Variants in PIEZO2 observed in about 807,000 individuals in gnomAD.
The protein encoded by PIEZO2 is piezo type mechanosensitive ion channel component 2.
Under a neutral mutation model 337.3 loss-of-function variants are expected in PIEZO2, and 172 were observed. The observed-to-expected ratio is 0.51, with a 90% CI of 0.45 to 0.58. The LOEUF (loss-of-function observed/expected upper bound fraction) is 0.58, where lower values mean the gene tolerates loss of function less well. Among genes scored for constraint, PIEZO2 ranks in the 20% least tolerant of loss-of-function variants. The pLI, the probability that PIEZO2 is intolerant of heterozygous loss-of-function variation, is 0.00. For synonymous variants in PIEZO2, 1,251 were observed against 1,228.5 expected, an observed-to-expected ratio of 1.02 and a Z score of -0.38; for missense variants, 3,028 against 3,391.3, an observed-to-expected ratio of 0.89 and a Z score of 2.66.
At chr18:11,084,328 C>T (rs1416717130) in intron 1 of PIEZO2, among the ~76,000 whole-genome samples, 3 of 152,150 alleles carry the variant, frequency 2.0e-5, no homozygotes, top group East Asian at 1.9e-4. Context: ...CCAGGTGCCA[C>T]GGACAGTAAC....
In PIEZO2 at chr18:10,794,377, A is replaced by C. The variant is rs559262140; in HGVS notation, c.1758+395T>G. Among the ~76,000 whole-genome samples, 7 of 152,342 alleles carry C rather than the reference A, an allele frequency of 4.6e-5. No homozygotes were observed. The East Asian group carries it at 1.4e-3, about 29-fold the overall frequency. ...AAAACGTCATGAATAATCAATACTTATCTGTGACACTAATGCACTAAGCAT... is the reference window on the plus strand; with the variant it reads ...AAAACGTCATGAATAATCAATACTTCTCTGTGACACTAATGCACTAAGCAT... On this transcript the variant is annotated intron_variant, in intron 13 of 55. Transcript: ENST00000674853. The surrounding 1 kb of genome is among the most constrained non-coding windows in gnomAD (Gnocchi z 6.6).
rs375312697 is a variant in PIEZO2 at position 10,993,379 on chromosome 18, G to A, written c.161-13719C>T. 3.9e-5 allele frequency among the ~76,000 whole-genome samples: 6 copies of A among 152,248 alleles called. No homozygotes were observed. The East Asian group carries it at 1.2e-3, about 29-fold the overall frequency. The stretch of plus-strand genomic sequence containing the variant: ...AACAGCTCTTATTATTTTGAGATGC[G>A]TTCTATTGATACCTAGTTTATTGAG... On this transcript the variant is annotated intron_variant, in intron 2 of 55. Coordinates refer to ENST00000674853, the MANE Select transcript of PIEZO2 (RefSeq NM_001378183.1). The surrounding 1 kb of genome is among the most constrained non-coding windows in gnomAD (Gnocchi z 5.0).
chr18:11,020,652 C>A (rs2036277328), intron 2 of PIEZO2, among the ~76,000 whole-genome samples: 1 of 152,140 alleles, frequency 6.6e-6, no homozygotes, highest in Admixed American at 6.5e-5. Context: ...ATGCCACTAG[C>A]CTTTTGCCAA....
At position 11,045,609 on chromosome 18, in the gene PIEZO2, G is replaced by C. The variant is rs539009816; in HGVS notation, c.160+20518C>G. On this transcript the variant is annotated intron_variant, in intron 2 of 55. Coordinates refer to ENST00000674853, the MANE Select transcript of PIEZO2 (RefSeq NM_001378183.1). ...AAGGAAGAGAGCAGAGTGTCACTTT[G>C]TGCCAGCTCAGCTGGGAACATGGGC... Among the ~76,000 whole-genome samples, 75 of 152,300 alleles carry C rather than the reference G, an allele frequency of 4.9e-4. 1 individual carries two copies. The South Asian group carries it at 0.015, about 31-fold the overall frequency.
intron 37 of PIEZO2, among the ~76,000 whole-genome samples, chr18:10,717,042 GCA>G (rs1567979489): frequency 6.6e-6 from 1 of 152,154 alleles, no homozygotes; most frequent in African/African-American, 2.4e-5. Context: ...GTGGTTAAGA[GCA>G]CACACTCTGG....
chr18:10,900,451 G>A (rs2043016969), intron 4 of PIEZO2, among the ~76,000 whole-genome samples: 1 of 152,142 alleles, frequency 6.6e-6, no homozygotes, highest in Admixed American at 6.5e-5. Context: ...TAGCAAGACT[G>A]GAAGAGACCT....
At chr18:10,866,565 G>A (rs575357553) in intron 5 of PIEZO2, among the ~76,000 whole-genome samples, 2 of 152,272 alleles carry the variant, frequency 1.3e-5, no homozygotes, top group South Asian at 2.1e-4. Context: ...GATTTTAGGT[G>A]TGGGCCACCA....
chr18:10,729,363 C>T (rs567440839), intron 36 of PIEZO2, among the ~76,000 whole-genome samples: 6 of 152,200 alleles, frequency 3.9e-5, no homozygotes, highest in African/African-American at 7.2e-5. Context: ...CAGTGGCTCA[C>T]GCCTGTAATC....
At chr18:10,736,797 C>T (rs2037014724) in intron 33 of PIEZO2, 87 bp from the exon 34 acceptor site, 2 of 1,387,428 alleles carry the variant, frequency 1.4e-6, no homozygotes, top group East Asian at 2.5e-5. Flanking sequence ...TAAAGATACA[C>T]AAATTGTCCA....
intron 39 of PIEZO2, among the ~76,000 whole-genome samples, chr18:10,710,616 C>T (rs77317812): frequency 0.015 from 2,266 of 152,346 alleles, 57 homozygotes; most frequent in African/African-American, 0.052. Flanking sequence ...GTTAGGATCC[C>T]ACCCAGACTC....
In PIEZO2 at chr18:10,938,920, G is replaced by C. The variant is rs139401782; in HGVS notation, c.287-27692C>G. 1.8e-4 allele frequency among the ~76,000 whole-genome samples: 27 copies of C among 151,994 alleles called. No individual in the cohort carries two copies. In the East Asian group the frequency reaches 5.0e-3, roughly 28 times the overall value. The stretch of plus-strand genomic sequence containing the variant: ...GCTAACACAGTGAAACCTTGTCTCT[G>C]CTAAAAATACAAAAAAATTAGCCAG... On this transcript the variant is annotated intron_variant, in intron 3 of 55. Coordinates refer to ENST00000674853, the MANE Select transcript of PIEZO2 (RefSeq NM_001378183.1).
At chr18:11,119,350 G>A (rs936098381) in intron 1 of PIEZO2, among the ~76,000 whole-genome samples, 22 of 152,134 alleles carry the variant, frequency 1.4e-4, no homozygotes, top group African/African-American at 5.3e-4. Flanking sequence ...ATGTTGGCCA[G>A]GATGGTCTTG....
chr18:11,077,139 C>G lies in PIEZO2; in HGVS notation c.65-10917G>C, dbSNP rs947131213. Among the ~76,000 whole-genome samples the G allele has an allele frequency of 2.4e-4, 37 of 152,220 alleles. No individual in the cohort carries two copies. The highest frequency in any genetic ancestry group is 1.2e-3 in the Admixed American group (19 of 15,284). The stretch of plus-strand genomic sequence containing the variant: ...CATTATGAATATAAAGAGCCCTTCA[C>G]TGAAATCCACAGTTCCTAAGCCTAC... On this transcript the variant is annotated intron_variant, in intron 1 of 55. Coordinates refer to ENST00000674853, the MANE Select transcript of PIEZO2 (RefSeq NM_001378183.1). The surrounding 1 kb of genome is among the most constrained non-coding windows in gnomAD (Gnocchi z 4.8).
chr18:10,735,962 T>C (rs1372345195), intron 34 of PIEZO2, among the ~76,000 whole-genome samples: 1 of 152,226 alleles, frequency 6.6e-6, no homozygotes, highest in Non-Finnish European at 1.5e-5. Context: ...ATGACTCTAA[T>C]GACAAAGCCT....
At chr18:10,921,544 T>C (rs1376653186) in intron 3 of PIEZO2, among the ~76,000 whole-genome samples, 3 of 152,122 alleles carry the variant, frequency 2.0e-5, no homozygotes, top group Non-Finnish European at 4.4e-5. Context: ...GAGGAGGATG[T>C]ATGTCGCCTC....
At chr18:11,108,448 T>C in intron 1 of PIEZO2, among the ~76,000 whole-genome samples, 2 of 110,170 alleles carry the variant, frequency 1.8e-5, no homozygotes, top group Admixed American at 9.1e-5. Context: ...ACCTCGTCTC[T>C]ACTAAAAATA....
intron 2 of PIEZO2, among the ~76,000 whole-genome samples, chr18:11,022,847 A>G (rs926921577): frequency 1.3e-5 from 2 of 152,154 alleles, no homozygotes; most frequent in African/African-American, 4.8e-5. Flanking sequence ...TGAGTGTTAC[A>G]GTTCTTAAAG....
At chr18:10,799,259 A>G (rs576852910) in intron 11 of PIEZO2, among the ~76,000 whole-genome samples, 21 of 152,252 alleles carry the variant, frequency 1.4e-4, no homozygotes, top group South Asian at 2.1e-4. Flanking sequence ...AATTACATAC[A>G]AATAGAGATG....
Position 10,742,511 on chromosome 18 carries a change from G to A in PIEZO2, c.4619C>T (p.Ser1540Phe), listed in dbSNP as rs1218041778. ...TGACATACTTTCATCATCCTCTTCA[G>A]AGAGTTTTTGCATGTCCTGGCCTTC... ...PGEGQDMQKL[S>F]EEDDEREADK... is the part of the protein sequence containing the mutation. Residue 1540 changes from serine (S) to phenylalanine (F), a missense_variant, in exon 32 of 56, where the codon TCT (serine) becomes TTT (phenylalanine). Around this residue, in one of 5 missense-constraint regions of PIEZO2, gnomAD observed 1,925 missense variants for 2,051.9 expected, o/e 0.94. Coordinates refer to ENST00000674853, the MANE Select transcript of PIEZO2 (RefSeq NM_001378183.1). 2.0e-6 allele frequency: 3 copies of A among 1,537,156 alleles called. No homozygotes were observed. Among genetic ancestry groups the A allele is most frequent in the Admixed American group, 3.9e-5 (2 of 50,990 alleles).
Sources: allele counts gnomAD v4.1 joint callset (sites outside exome capture counted in the v4.1 genomes callset), GRCh38; gene constraint gnomAD v4.1.1; regional missense constraint gnomAD v4.1.1; non-coding constraint Gnocchi (gnomAD v3.1); transcripts MANE v1.5; gene names NCBI Gene and HGNC (gene_info 2026-07-23, HGNC 2026-07-21).